CGGBP1: variants seen among roughly 807,000 people sequenced by gnomAD.
CGGBP1 encodes CGG triplet repeat-binding protein 1.
CGGBP1 carries 4 observed loss-of-function variants against 11.4 expected under a neutral mutation model. The ratio of observed to expected loss-of-function variants is 0.35; its 90% CI spans 0.17 to 0.80. The LOEUF (loss-of-function observed/expected upper bound fraction) is 0.80. CGGBP1 is among the 30% of genes least tolerant of loss of function. The pLI, the probability that CGGBP1 is intolerant of heterozygous loss-of-function variation, is 0.52. For missense variants in CGGBP1, 135 were observed against 202.1 expected, an observed-to-expected ratio of 0.67 and a Z score of 2.01; for synonymous variants, 76 against 74.1, an observed-to-expected ratio of 1.03 and a Z score of -0.13.
At position 88,052,306 on chromosome 3, in the gene CGGBP1, G is replaced by A. The variant is rs540989339; in HGVS notation, c.*3167C>T. The stretch of plus-strand genomic sequence containing the variant: ...CAGAAGCTAAAGCAATTTCTTTTAG[G>A]CTAAGATTGGCAAAAAATCATAGAC... On this transcript the variant is annotated 3_prime_UTR_variant, in exon 4 of 4. Transcript: ENST00000482016. 3.3e-5 allele frequency: 5 copies of A among 152,584 alleles called. No individual in the cohort carries two copies. In the East Asian group the frequency reaches 9.7e-4, roughly 29 times the overall value. 9.5% of individuals were successfully genotyped at this position (152,584 alleles called of 1,614,324 possible).
intron 2 of CGGBP1, among the ~76,000 whole-genome samples, chr3:88,113,522 C>A (rs1437479642): frequency 6.6e-6 from 1 of 152,106 alleles, no homozygotes; most frequent in Non-Finnish European, 1.5e-5. Context: ...CTATCCCATG[C>A]CACTTTTTCC....
chr3:88,129,343 AAAC>A (rs1209508077), intron 2 of CGGBP1, among the ~76,000 whole-genome samples: 1 of 151,074 alleles, frequency 6.6e-6, no homozygotes, highest in African/African-American at 2.4e-5. Flanking sequence ...AAAAAAAAAA[AAAC>A]CCAAGAAGCA....
intron 2 of CGGBP1, among the ~76,000 whole-genome samples, chr3:88,118,536 G>A (rs981083282): frequency 2.0e-5 from 3 of 151,984 alleles, no homozygotes; most frequent in South Asian, 2.1e-4. Context: ...AGATGAAGAC[G>A]TTTAGAACTA....
At chr3:88,133,798 A>C (rs1706605540) in intron 2 of CGGBP1, among the ~76,000 whole-genome samples, 1 of 152,154 alleles carries the variant, frequency 6.6e-6, no homozygotes, top group Non-Finnish European at 1.5e-5. Context: ...GTGTAAAATT[A>C]AAGGGCCTAA....
At chr3:88,146,781 C>T (rs536207584) in intron 1 of CGGBP1, among the ~76,000 whole-genome samples, 17 of 152,144 alleles carry the variant, frequency 1.1e-4, no homozygotes, top group Admixed American at 3.3e-4. Flanking sequence ...TGATTTAATC[C>T]TTCCTAAGCA....
upstream of CGGBP1, among the ~76,000 whole-genome samples, chr3:88,062,318 A>T (rs765282968): frequency 6.6e-6 from 1 of 152,208 alleles, no homozygotes; most frequent in Non-Finnish European, 1.5e-5. Context: ...ACATGCTGGG[A>T]TTTGAACTCA....
At chr3:88,133,146 T>C (rs1706564726) in intron 2 of CGGBP1, among the ~76,000 whole-genome samples, 1 of 152,160 alleles carries the variant, frequency 6.6e-6, no homozygotes, top group Admixed American at 6.6e-5. Context: ...CTGGGATCAC[T>C]TTCCCGCCCC....
At chr3:88,077,290 A>G (rs566689279) in intron 2 of CGGBP1, among the ~76,000 whole-genome samples, 42 of 151,256 alleles carry the variant, frequency 2.8e-4, no homozygotes, top group African/African-American at 1.0e-3. Flanking sequence ...GCCCTGGCTT[A>G]TGTTGGTAGT....
At chr3:88,144,976 G>C (rs1280269743) in intron 1 of CGGBP1, among the ~76,000 whole-genome samples, 1 of 151,988 alleles carries the variant, frequency 6.6e-6, no homozygotes, top group Non-Finnish European at 1.5e-5. Flanking sequence ...TGCAAACTTA[G>C]TAGGTGTCGG....
At chr3:88,059,160 T>C (rs1327627388), upstream of CGGBP1, 2 of 1,344,950 alleles carry the variant, frequency 1.5e-6, no homozygotes, top group African/African-American at 3.0e-5. Flanking sequence ...ACTGGGGGCG[T>C]GGGTGGGCGG....
At chr3:88,071,787 A>T (rs1053005194) in intron 2 of CGGBP1, among the ~76,000 whole-genome samples, 1 of 152,114 alleles carries the variant, frequency 6.6e-6, no homozygotes, top group Non-Finnish European at 1.5e-5. Flanking sequence ...CTGGGCGACA[A>T]GAGTGAGACT....
At chr3:88,092,487 T>C (rs564023348) in intron 2 of CGGBP1, among the ~76,000 whole-genome samples, 1 of 152,292 alleles carries the variant, frequency 6.6e-6, no homozygotes, top group Admixed American at 6.5e-5. Context: ...CTGGGTGAGC[T>C]AACTTGCTGT....
chr3:88,080,986 CGTT>C (rs906089984), intron 2 of CGGBP1, among the ~76,000 whole-genome samples: 19 of 152,216 alleles, frequency 1.2e-4, no homozygotes, highest in African/African-American at 4.6e-4. Context: ...CGTGATCTCA[CGTT>C]GTATTTAGTT....
At chr3:88,059,888 A>G (rs1338383504), upstream of CGGBP1, among the ~76,000 whole-genome samples, 2 of 151,266 alleles carry the variant, frequency 1.3e-5, no homozygotes. Flanking sequence ...CTCTGGTAAC[A>G]TTTTCTGCCT....
chr3:88,102,696 A>G (rs1360249449), intron 2 of CGGBP1, among the ~76,000 whole-genome samples: 1 of 152,136 alleles, frequency 6.6e-6, no homozygotes, highest in Non-Finnish European at 1.5e-5. Context: ...ACCAACAACA[A>G]AACCCATATT....
intron 2 of CGGBP1, among the ~76,000 whole-genome samples, chr3:88,116,854 G>T (rs747134195): frequency 2.0e-5 from 3 of 152,038 alleles, no homozygotes; most frequent in Non-Finnish European, 4.4e-5. Flanking sequence ...CTTTGTTTGG[G>T]CATGAAGGAT....
At chr3:88,142,099 A>G (rs1291958882) in intron 1 of CGGBP1, 2 of 153,650 alleles carry the variant, frequency 1.3e-5, no homozygotes, top group East Asian at 1.9e-4. Flanking sequence ...CTTGTCATGC[A>G]TAATCAGATT....
chr3:88,084,543 G>A (rs1342165859), intron 2 of CGGBP1, among the ~76,000 whole-genome samples: 3 of 152,138 alleles, frequency 2.0e-5, no homozygotes, highest in Non-Finnish European at 2.9e-5. Context: ...AGAGCCAGAC[G>A]AGATACAAGT....
chr3:88,055,853 A>T lies in CGGBP1; in HGVS notation c.124T>A (p.Phe42Ile), dbSNP rs762659986. 1.2e-6 allele frequency: 2 copies of T among 1,614,234 alleles called. No homozygotes were observed. The highest frequency in any genetic ancestry group is 2.2e-5 in the South Asian group (2 of 91,088). Residue 42 changes from phenylalanine (F) to isoleucine (I), a missense_variant, in exon 4 of 4, where the codon TTC becomes ATC. By Grantham distance (21) the Phe-to-Ile change is conservative. Coordinates refer to ENST00000482016, the MANE Select transcript of CGGBP1 (RefSeq NM_001008390.2). The surrounding 1 kb of genome is among the most constrained non-coding windows in gnomAD (Gnocchi z 4.2). ...AGAACCACATTGCAAGAAGTGCAGA[A>T]GAGTTTTCCTCCATCTTCATGCAGC... is the stretch of plus-strand genomic sequence containing the variant. ...GELHEDGGKL[F>I]CTSCNVVLNH...
Sources: allele counts gnomAD v4.1 joint callset (sites outside exome capture counted in the v4.1 genomes callset), GRCh38; gene constraint gnomAD v4.1.1; non-coding constraint Gnocchi (gnomAD v3.1); transcripts MANE v1.5; gene names NCBI Gene and HGNC (gene_info 2026-07-23, HGNC 2026-07-21).